RMND1: variants seen among roughly 807,000 people sequenced by gnomAD.
RMND1 encodes the protein required for meiotic nuclear division protein 1 homolog.
A neutral mutation model predicts 54.0 loss-of-function variants in RMND1; 41 were observed. The observed-to-expected ratio is 0.76, with a 90% CI of 0.59 to 0.98. The LOEUF is 0.98. RMND1 is among the 50% of genes least tolerant of loss of function. The pLI is 0.00. For synonymous variants in RMND1, 183 were observed against 181.7 expected, an observed-to-expected ratio of 1.01 and a Z score of -0.06; for missense variants, 457 against 532.0, an observed-to-expected ratio of 0.86 and a Z score of 1.39.
chr6:151,451,320 C>T (rs1437272158), intron 1 of RMND1, among the ~76,000 whole-genome samples: 2 of 151,898 alleles, frequency 1.3e-5, no homozygotes, highest in Non-Finnish European at 2.9e-5. Flanking sequence ...ATTCATACTG[C>T]AAACGAACTC....
intron 3 of RMND1, 154 bp downstream of exon 3, chr6:151,436,292 T>A: frequency 2.7e-6 from 2 of 751,022 alleles, no homozygotes; most frequent in East Asian, 5.7e-5. Flanking sequence ...ATTCTTAACT[T>A]TGTCATCTTT....
chr6:151,410,147 C>G (rs558015547), intron 10 of RMND1, among the ~76,000 whole-genome samples: 1 of 151,928 alleles, frequency 6.6e-6, no homozygotes, highest in African/African-American at 2.4e-5. Flanking sequence ...CTCTCCCTCC[C>G]GGGTTCACGC....
chr6:151,450,042 C>T (rs1340234701), intron 1 of RMND1, among the ~76,000 whole-genome samples: 2 of 152,116 alleles, frequency 1.3e-5, no homozygotes, highest in Non-Finnish European at 2.9e-5. Flanking sequence ...CCCAAAGTGC[C>T]GAGATTGCAG....
At chr6:151,421,186 A>G in intron 9 of RMND1, 59 bp downstream of exon 9, 1 of 1,219,434 alleles carries the variant, frequency 8.2e-7, no homozygotes, top group Admixed American at 1.9e-5. Context: ...GAACTATGGG[A>G]ATGTTTTCTT....
intron 10 of RMND1, among the ~76,000 whole-genome samples, chr6:151,414,596 CAG>C (rs1235881856): frequency 1.3e-5 from 2 of 151,916 alleles, no homozygotes; most frequent in Non-Finnish European, 2.9e-5. Flanking sequence ...TGCAAAGAAA[CAG>C]AAGATACAAA....
intron 1 of RMND1, among the ~76,000 whole-genome samples, chr6:151,448,112 A>C (rs1781018477): frequency 6.6e-6 from 1 of 152,052 alleles, no homozygotes. Context: ...CACCGGACCC[A>C]GCCCATTTTT....
chr6:151,447,406 C>T (rs1251728714), intron 1 of RMND1, among the ~76,000 whole-genome samples: 3 of 152,150 alleles, frequency 2.0e-5, no homozygotes, highest in Non-Finnish European at 4.4e-5. Flanking sequence ...ATGCTAAGTG[C>T]TCGGCTTCAC....
chr6:151,444,802 TA>T (rs1336377411), intron 2 of RMND1, among the ~76,000 whole-genome samples: 1 of 151,978 alleles, frequency 6.6e-6, no homozygotes, highest in South Asian at 2.1e-4. Context: ...GAATAAAAAA[TA>T]CCCCCTTAAA....
chr6:151,426,907 T>C (rs1176050583), intron 6 of RMND1, among the ~76,000 whole-genome samples: 1 of 151,802 alleles, frequency 6.6e-6, no homozygotes, highest in African/African-American at 2.4e-5. Context: ...GTAGCTGGGA[T>C]TACAAGCACC....
In RMND1 at chr6:151,410,077, C is replaced by T. The variant is rs1174540640; in HGVS notation, c.1201-4241G>A. Among the ~76,000 whole-genome samples the T allele has an allele frequency of 6.3e-5, 9 of 142,388 alleles. No individual in the cohort carries two copies. In the East Asian group the frequency reaches 1.5e-3, roughly 23 times the overall value. The allele number at this position is 142,388 out of a possible 152,430, so 93.4% of individuals were successfully genotyped here. ...GTTCCATTTTTTTTTTTTTTTGAGG[C>T]GGAGTCTTGCTCTGTCACCCAGGCT... On this transcript the variant is annotated intron_variant, in intron 10 of 11. Coordinates refer to ENST00000444024, the MANE Select transcript of RMND1 (RefSeq NM_017909.4).
intron 10 of RMND1, chr6:151,408,644 TTAAGA>T (rs1180385368): frequency 6.6e-6 from 1 of 152,194 alleles, no homozygotes; most frequent in Non-Finnish European, 1.5e-5. Context: ...TTAGCTGACC[TTAAGA>T]TGAGATAATC....
chr6:151,439,137 T>G (rs1780697633), intron 2 of RMND1, among the ~76,000 whole-genome samples: 1 of 152,112 alleles, frequency 6.6e-6, no homozygotes, highest in Non-Finnish European at 1.5e-5. Context: ...AACACAACTT[T>G]ATGTTCCTTT....
At chr6:151,412,204 G>C (rs754766041) in intron 10 of RMND1, among the ~76,000 whole-genome samples, 2 of 152,118 alleles carry the variant, frequency 1.3e-5, no homozygotes, top group Non-Finnish European at 2.9e-5. Flanking sequence ...GTTTCACCAT[G>C]TTAGCCACGC....
chr6:151,438,737 G>T (rs1038490456), intron 2 of RMND1, among the ~76,000 whole-genome samples: 1 of 151,666 alleles, frequency 6.6e-6, no homozygotes, highest in African/African-American at 2.4e-5. Context: ...GTTGTCTCAC[G>T]TCTGCTTCAC....
At position 151,445,686 on chromosome 6, in the gene RMND1, G is replaced by A; in HGVS notation, c.126C>T (p.Ser42=). ...CCAAGCTTTGACGTATTGTCAGTGT[G>A]CTGCATGTTGTATTTTCAAATTCCT... ...PLKEFENTTC[S]TLTIRQSLDL... is the part of the protein sequence containing the mutation. Residue 42 remains serine (S), a synonymous_variant, in exon 2 of 12, where the codon AGC becomes AGT. Transcript: ENST00000444024. 1 of 1,614,114 alleles carries A rather than the reference G, an allele frequency of 6.2e-7. No individual in the cohort carries two copies. Among genetic ancestry groups the A allele is most frequent in the Non-Finnish European group, 8.5e-7 (1 of 1,180,002 alleles).
chr6:151,410,245 C>T (rs369889229), intron 10 of RMND1, among the ~76,000 whole-genome samples: 10 of 152,094 alleles, frequency 6.6e-5, no homozygotes, highest in African/African-American at 1.2e-4. Flanking sequence ...TTAGTAGAGA[C>T]GGGGTCTCAC....
chr6:151,426,839 G>C (rs181925954), intron 6 of RMND1, among the ~76,000 whole-genome samples: 1 of 151,752 alleles, frequency 6.6e-6, no homozygotes, highest in East Asian at 2.0e-4. Flanking sequence ...GCGTGATCTC[G>C]GCTCACTGCA....
At chr6:151,441,308 G>GT (rs1780771494) in intron 2 of RMND1, among the ~76,000 whole-genome samples, 1 of 152,244 alleles carries the variant, frequency 6.6e-6, no homozygotes, top group East Asian at 1.9e-4. Context: ...TTTGTCCTTG[G>GT]TTCCCAGTAC....
intron 2 of RMND1, among the ~76,000 whole-genome samples, chr6:151,443,383 C>T (rs1780843143): frequency 6.6e-6 from 1 of 152,190 alleles, no homozygotes; most frequent in African/African-American, 2.4e-5. Context: ...ATGATCTCAG[C>T]TCACTGCAAC....
Sources: allele counts gnomAD v4.1 joint callset (sites outside exome capture counted in the v4.1 genomes callset), GRCh38; gene constraint gnomAD v4.1.1; transcripts MANE v1.5; gene names NCBI Gene and HGNC (gene_info 2026-07-23, HGNC 2026-07-21).